CCDC186: variants seen among roughly 807,000 people sequenced by gnomAD.
CCDC186 encodes coiled-coil domain containing 186.
CCDC186 carries 49 observed loss-of-function variants against 113.7 expected under a neutral mutation model. That is an observed-to-expected ratio of 0.43 (90% CI 0.34 to 0.55). The LOEUF (loss-of-function observed/expected upper bound fraction) is 0.55, where lower values mean the gene tolerates loss of function less well. CCDC186 is among the 20% of genes least tolerant of loss of function. The pLI is 0.02. For missense variants in CCDC186, 890 were observed against 1,011.1 expected (o/e 0.88, Z 1.62); for synonymous variants, 355 against 345.8 (o/e 1.03, Z -0.30).
intron 6 of CCDC186, among the ~76,000 whole-genome samples, chr10:114,141,670 C>T (rs999996395): frequency 3.9e-5 from 6 of 152,054 alleles, no homozygotes; most frequent in African/African-American, 7.2e-5. Context: ...CACGCACGCA[C>T]GCACACATGT....
At chr10:114,140,224 A>T (rs982641039) in intron 6 of CCDC186, among the ~76,000 whole-genome samples, 1 of 152,246 alleles carries the variant, frequency 6.6e-6, no homozygotes, top group Admixed American at 6.5e-5. Flanking sequence ...GATAGAATGA[A>T]AGTTTGGAGA....
chr10:114,167,273 C>G (rs913271078), intron 1 of CCDC186, among the ~76,000 whole-genome samples: 4 of 152,074 alleles, frequency 2.6e-5, no homozygotes, highest in African/African-American at 9.7e-5. Flanking sequence ...CCCGCCTCGG[C>G]CTCCCAAAGT....
At position 114,135,809 on chromosome 10, in the gene CCDC186, C is replaced by T; in HGVS notation, c.1512+82G>A. On this transcript the variant is annotated intron_variant, in intron 9 of 15. Transcript: ENST00000369287. Reference sequence around the variant, plus strand: ...AACATTTCTATATTAATGTCCTTTCCCCACCACTTTAAAAATCAGAATGAA... The same window carrying T: ...AACATTTCTATATTAATGTCCTTTCTCCACCACTTTAAAAATCAGAATGAA... The T allele has an allele frequency of 5.4e-6, 6 of 1,110,974 alleles. No homozygotes were observed. The South Asian group carries it at 8.4e-5, about 15-fold the overall frequency. 68.8% of individuals were successfully genotyped at this position (1,110,974 alleles called of 1,614,324 possible).
Position 114,125,004 on chromosome 10 carries a change from G to GT in CCDC186, c.*138dup. ...AGCAATGCATTCATATTGTAAAAGG[G>GT]TATTTTTTTGTGTACAGATGAAGCA... On this transcript the variant is annotated 3_prime_UTR_variant, in exon 16 of 16. Coordinates refer to ENST00000369287, the MANE Select transcript of CCDC186 (RefSeq NM_018017.4). 1.7e-6 allele frequency: 1 copy of GT among 597,444 alleles called. No homozygotes were observed. The highest frequency in any genetic ancestry group is 3.0e-5 in the East Asian group (1 of 33,342). The allele number at this position is 597,444 out of a possible 1,614,324, so 37.0% of individuals were successfully genotyped here.
chr10:114,158,086 T>C (rs1002960099), intron 2 of CCDC186, among the ~76,000 whole-genome samples: 1 of 152,136 alleles, frequency 6.6e-6, no homozygotes, highest in Admixed American at 6.6e-5. Flanking sequence ...CTAACAAGGG[T>C]AGGGGCTGCT....
rs1187659180 is a variant in CCDC186, at chr10:114,162,688, A to G, written c.581T>C (p.Phe194Ser). ...MNKGEHALVL[F>S]EKCVQDKYLQ... is the part of the protein sequence containing the mutation. ...ATATTTATCTTGCACACACTTTTCAAACAGAACTAATGCATGTTCTCCCTT... is the reference window on the plus strand; with the variant it reads ...ATATTTATCTTGCACACACTTTTCAGACAGAACTAATGCATGTTCTCCCTT... Residue 194 changes from phenylalanine (F) to serine (S), a missense_variant, in exon 2 of 16, where the codon TTT becomes TCT. By Grantham distance (155) the Phe-to-Ser change is radical (BLOSUM62 -2). Transcript: ENST00000369287. 1 of 1,605,546 alleles carries G rather than the reference A, an allele frequency of 6.2e-7. No individual in the cohort carries two copies. Among genetic ancestry groups the G allele is most frequent in the African/African-American group, 1.3e-5 (1 of 74,366 alleles).
intron 7 of CCDC186, 47 bp downstream of exon 7, chr10:114,137,139 A>G (rs2031290124): frequency 2.1e-6 from 3 of 1,412,932 alleles, no homozygotes; most frequent in Admixed American, 1.7e-5. Context: ...GAGAGAACTG[A>G]TATTTGCTAA....
In CCDC186 at chr10:114,144,500, G is replaced by T; in HGVS notation, c.1218C>A (p.His406Gln). ...QNKLKAEMDS[H>Q]KETKDKLKET... is the part of the protein sequence containing the mutation. ...TCCATTGTATTACAGTACGTACCTT[G>T]TGTGAATCCATTTCAGCTTTTAATT... The change falls in exon 6 of 16, where the codon CAC becomes CAA. Residue 406 changes from histidine (H) to glutamine (Q), a missense_variant. Physicochemically the swap from His to Gln is conservative, Grantham distance 24. Transcript: ENST00000369287. 1 of 1,612,752 alleles carries T rather than the reference G, an allele frequency of 6.2e-7. No homozygotes were observed. The highest frequency in any genetic ancestry group is 8.5e-7 in the Non-Finnish European group (1 of 1,179,320).
chr10:114,142,213 G>A (rs1283875890), intron 6 of CCDC186, among the ~76,000 whole-genome samples: 1 of 152,328 alleles, frequency 6.6e-6, no homozygotes, highest in East Asian at 1.9e-4. Flanking sequence ...TACCTCGGGT[G>A]ACCTAGTGTA....
At chr10:114,158,308 T>C (rs887771382) in intron 2 of CCDC186, among the ~76,000 whole-genome samples, 5 of 152,158 alleles carry the variant, frequency 3.3e-5, no homozygotes, top group African/African-American at 9.7e-5. Flanking sequence ...AGCAGAAATA[T>C]CATCTTGAAT....
At chr10:114,154,080 G>A (rs1170908039) in intron 3 of CCDC186, among the ~76,000 whole-genome samples, 2 of 151,678 alleles carry the variant, frequency 1.3e-5, no homozygotes. Flanking sequence ...ATGTGGTGAT[G>A]CACGCCTGTA....
Position 114,150,430 on chromosome 10 carries a change from A to G in CCDC186, c.888+662T>C, listed in dbSNP as rs2031817203. 2.0e-5 allele frequency among the ~76,000 whole-genome samples: 3 copies of G among 152,232 alleles called. No homozygotes were observed. The South Asian group carries it at 6.2e-4, about 31-fold the overall frequency. ...GTATCATTCCAATCAAATGGGGGAA[A>G]AAAGTATATGACCATGTACAAATAA... On this transcript the variant is annotated intron_variant, in intron 4 of 15. Transcript: ENST00000369287.
chr10:114,149,666 A>AAAGGAGGG lies in CCDC186; in HGVS notation c.888+1418_888+1425dup, dbSNP rs1564912764. Among the ~76,000 whole-genome samples, 6 of 63,442 alleles carry AAAGGAGGG rather than the reference A, an allele frequency of 9.5e-5. 1 individual carries two copies. Among genetic ancestry groups the AAAGGAGGG allele is most frequent in the African/African-American group, 3.9e-4 (6 of 15,302 alleles). The allele number at this position is 63,442 out of a possible 152,430, so 41.6% of individuals were successfully genotyped here. On this transcript the variant is annotated intron_variant, in intron 4 of 15. Coordinates refer to ENST00000369287, the MANE Select transcript of CCDC186 (RefSeq NM_018017.4). ...GGGAATGCGAAGGAAGGAAGGAAGG[A>AAAGGAGGG]AAGGAGGGAAGGAGGGAGGAAAGAA...
At chr10:114,161,294 C>T (rs954195633) in intron 2 of CCDC186, among the ~76,000 whole-genome samples, 4 of 152,140 alleles carry the variant, frequency 2.6e-5, no homozygotes. Context: ...CTCTGCGCTT[C>T]AGGTAACTCA....
Position 114,160,059 on chromosome 10 carries a change from C to T in CCDC186, c.633-2379G>A, listed in dbSNP as rs112945504. Among the ~76,000 whole-genome samples the T allele has an allele frequency of 1.3e-3, 194 of 152,250 alleles. 2 individuals carry two copies. Among genetic ancestry groups the T allele is most frequent in the African/African-American group, 4.4e-3 (184 of 41,554 alleles). Reference sequence around the variant, plus strand: ...CTGAGGCAGGTAGATCACTTGAGGTCAGGAGTTCAAGACCAGCCTGGCCAA... The same window carrying T: ...CTGAGGCAGGTAGATCACTTGAGGTTAGGAGTTCAAGACCAGCCTGGCCAA... On this transcript the variant is annotated intron_variant, in intron 2 of 15. Coordinates refer to ENST00000369287, the MANE Select transcript of CCDC186 (RefSeq NM_018017.4).
At chr10:114,137,913 G>C (rs2031319521) in intron 6 of CCDC186, among the ~76,000 whole-genome samples, 1 of 151,960 alleles carries the variant, frequency 6.6e-6, no homozygotes, top group African/African-American at 2.4e-5. Flanking sequence ...GCGCATGCCT[G>C]TAACCTCAGA....
Position 114,163,130 on chromosome 10 carries a change from A to G in CCDC186, c.139T>C (p.Leu47=), listed in dbSNP as rs758166897. The G allele has an allele frequency of 8.1e-6, 13 of 1,613,984 alleles. No individual in the cohort carries two copies. In the South Asian group the frequency reaches 1.4e-4, roughly 18 times the overall value. Residue 47 remains leucine, a synonymous_variant, in exon 2 of 16, where the codon TTA becomes CTA. Transcript: ENST00000369287. ...TGACATAAAGTTTTATCAGTGTTTA[A>G]TGACAATAGTTTGGACTCATTTTCT... is the stretch of plus-strand genomic sequence containing the variant. ...KLENESKLLS[L]NTDKTLCQPN... is the part of the protein sequence containing the mutation.
chr10:114,127,048 C>G (rs1045592745), intron 14 of CCDC186, among the ~76,000 whole-genome samples: 5 of 152,070 alleles, frequency 3.3e-5, no homozygotes, highest in Non-Finnish European at 5.9e-5. Flanking sequence ...GAGATACCGC[C>G]AAGCCACAGG....
At chr10:114,142,032 G>C (rs895723195) in intron 6 of CCDC186, among the ~76,000 whole-genome samples, 2 of 152,172 alleles carry the variant, frequency 1.3e-5, no homozygotes, top group Admixed American at 6.5e-5. Flanking sequence ...GAACACTACA[G>C]TTATAGAACA....
Sources: gnomAD v4.1 joint callset for allele counts (sites outside exome capture counted in the v4.1 genomes callset) on GRCh38, gnomAD v4.1.1 for gene constraint, MANE v1.5 for transcripts, NCBI Gene and HGNC (gene_info 2026-07-23, HGNC 2026-07-21) for gene names.